The following VGLL1 variants were observed in gnomAD, a reference collection of about 807,000 sequenced individuals.
VGLL1 encodes transcription cofactor vestigial-like protein 1.
In VGLL1, 4 loss-of-function variants were observed where a neutral mutation model predicts 12.0. The ratio of observed to expected loss-of-function variants is 0.33; its 90% CI spans 0.16 to 0.76. The LOEUF is 0.76. Ranked by LOEUF, VGLL1 falls within the 30% of genes least tolerant of loss-of-function variation. VGLL1 has a pLI of 0.60. For missense variants in VGLL1, 204 were observed against 208.7 expected (o/e 0.98, Z 0.14); for synonymous variants, 87 against 81.2 (o/e 1.07, Z -0.39).
At chrX:136,532,645 CTTTCTTTCT>C (rs1208932567) in intron 1 of VGLL1, among the ~76,000 whole-genome samples, 32 of 78,035 alleles carry the variant, frequency 4.1e-4, no homozygotes, top group South Asian at 2.8e-3. Context: ...TTCTTTCTTT[CTTTCTTTCT>C]TTCTTTCTTT....
At chrX:136,545,368 G>C (rs2075867011) in intron 2 of VGLL1, among the ~76,000 whole-genome samples, 1 of 111,914 alleles carries the variant, frequency 8.9e-6, no homozygotes, top group Admixed American at 9.5e-5. Flanking sequence ...GTGTAAATAA[G>C]TGTGTGCACT....
At chrX:136,542,371 T>A (rs1242324271) in intron 2 of VGLL1, among the ~76,000 whole-genome samples, 1 of 112,208 alleles carries the variant, frequency 8.9e-6, no homozygotes, top group Admixed American at 9.4e-5. Flanking sequence ...GACACCACAC[T>A]AAAATTAGTG....
chrX:136,548,215 G>T (rs1195702013), intron 2 of VGLL1, among the ~76,000 whole-genome samples: 1 of 111,694 alleles, frequency 9.0e-6, no homozygotes, highest in Non-Finnish European at 1.9e-5. Context: ...TGGCCAGGCT[G>T]GTCTCGAACT....
intron 4 of VGLL1, among the ~76,000 whole-genome samples, chrX:136,553,808 C>T (rs2075893861): frequency 9.0e-6 from 1 of 111,723 alleles, no homozygotes; most frequent in Non-Finnish European, 1.9e-5. Context: ...TGTCATGCAT[C>T]TATGAAGCAG....
At chrX:136,535,915 C>T in intron 1 of VGLL1, 81 bp from the exon 2 acceptor site, 1 of 835,596 alleles carries the variant, frequency 1.2e-6, no homozygotes, top group Non-Finnish European at 1.7e-6. Context: ...AAATTGCTTG[C>T]CCCCAAGGAC....
At chrX:136,536,269 C>T (rs2075839559) in intron 2 of VGLL1, 35 bp downstream of exon 2, 1 of 1,166,717 alleles carries the variant, frequency 8.6e-7, no homozygotes, top group Non-Finnish European at 1.2e-6. Context: ...CTGGGATTCC[C>T]TATCAAGGCT....
intron 2 of VGLL1, 54 bp downstream of exon 2, chrX:136,536,288 T>C (rs1206053839): frequency 6.3e-6 from 7 of 1,114,021 alleles, no homozygotes; most frequent in Non-Finnish European, 4.9e-6. Context: ...CTGCCACGGA[T>C]ACACCAGTTC....
chrX:136,538,320 C>G (rs1203563204), intron 2 of VGLL1, among the ~76,000 whole-genome samples: 2 of 112,091 alleles, frequency 1.8e-5, no homozygotes, highest in African/African-American at 6.5e-5. Context: ...GAATATAATC[C>G]AAGCTGAGTT....
At chrX:136,540,024 G>A (rs923577814) in intron 2 of VGLL1, among the ~76,000 whole-genome samples, 3 of 111,318 alleles carry the variant, frequency 2.7e-5, no homozygotes, top group Non-Finnish European at 5.7e-5. Flanking sequence ...AGATCTGACC[G>A]CATCTTCTCA....
intron 3 of VGLL1, among the ~76,000 whole-genome samples, chrX:136,550,204 T>C (rs1039357561): frequency 8.9e-6 from 1 of 112,648 alleles, no homozygotes; most frequent in Non-Finnish European, 1.9e-5. Context: ...TTTTCAAAAG[T>C]CCTTTCCTAC....
In VGLL1 at chrX:136,556,613, A is replaced by G; in HGVS notation, c.*74A>G. 1 of 1,008,056 alleles carries G rather than the reference A, an allele frequency of 9.9e-7. No homozygotes were observed. The allele number at this position is 1,008,056 out of a possible 1,213,427, so 83.1% of individuals were successfully genotyped here. On this transcript the variant is annotated 3_prime_UTR_variant, in exon 5 of 5. Coordinates refer to ENST00000370634, the MANE Select transcript of VGLL1 (RefSeq NM_016267.4). ...ACATCCCTGCATATTGTTCCAGATA[A>G]AAATGAAAGCTGCTCACACCCACTT...
chrX:136,535,325 C>T (rs1265522557), intron 1 of VGLL1, among the ~76,000 whole-genome samples: 1 of 112,176 alleles, frequency 8.9e-6, no homozygotes, highest in Non-Finnish European at 1.9e-5. Context: ...CCAATGGTGA[C>T]AACATTGGTA....
chrX:136,552,092 T>C (rs2075887964), intron 4 of VGLL1, among the ~76,000 whole-genome samples: 1 of 111,655 alleles, frequency 9.0e-6, no homozygotes, highest in Non-Finnish European at 1.9e-5. Flanking sequence ...CCTAGCACCT[T>C]GCACAGTGGT....
At chrX:136,543,492 T>A (rs1424524561) in intron 2 of VGLL1, among the ~76,000 whole-genome samples, 1 of 111,490 alleles carries the variant, frequency 9.0e-6, no homozygotes, top group African/African-American at 3.3e-5. Context: ...TAAAATGAGA[T>A]TTGTAGGCCA....
Position 136,548,802 on chromosome X carries a change from A to C in VGLL1, c.428A>C (p.Glu143Ala). 1 of 1,211,928 alleles carries C rather than the reference A, an allele frequency of 8.3e-7. No individual in the cohort carries two copies. Reference sequence around the variant, plus strand: ...TCCCTGGCGGGCACCAGCTCCTTAGAGCCTGGCTACTCTCATCCCTTCCCC... The same window carrying C: ...TCCCTGGCGGGCACCAGCTCCTTAGCGCCTGGCTACTCTCATCCCTTCCCC... Reference protein sequence around the residue: ...FSSLAGTSSLEPGYSHPFPAR... With the variant: ...FSSLAGTSSLAPGYSHPFPAR... Residue 143 changes from glutamate to alanine, a missense_variant, in exon 3 of 5, where the codon GAG becomes GCG. Transcript: ENST00000370634.
At position 136,536,180 on chromosome X, in the gene VGLL1, A is replaced by G; in HGVS notation, c.160A>G (p.Ser54Gly). Residue 54 changes from serine (S) to glycine (G), a missense_variant, in exon 2 of 5, where the codon AGC becomes GGC. Transcript: ENST00000370634. ...HFSRALSNIK[S>G]PQELTPSSQS... ...CTCCAGAGCTCTGAGCAATATCAAG[A>G]GCCCCCAGGAATTGACCCCCTCGAG... 8.3e-7 allele frequency: 1 copy of G among 1,211,241 alleles called. No homozygotes were observed. Among genetic ancestry groups the G allele is most frequent in the Non-Finnish European group, 1.1e-6 (1 of 895,433 alleles).
chrX:136,552,626 G>C (rs1269227236), intron 4 of VGLL1, among the ~76,000 whole-genome samples: 1 of 111,783 alleles, frequency 8.9e-6, no homozygotes, highest in Non-Finnish European at 1.9e-5. Context: ...ATATGTCCTA[G>C]GTGCTTTACT....
intron 2 of VGLL1, among the ~76,000 whole-genome samples, chrX:136,541,904 T>C (rs981654322): frequency 8.9e-6 from 1 of 112,484 alleles, no homozygotes; most frequent in Non-Finnish European, 1.9e-5. Context: ...GTTGAAGGTA[T>C]CTTTGAATTA....
chrX:136,532,877 T>C (rs1436793544), intron 1 of VGLL1, among the ~76,000 whole-genome samples: 3 of 109,761 alleles, frequency 2.7e-5, no homozygotes, highest in African/African-American at 1.0e-4. Context: ...GCTTTTGCTA[T>C]AAGCCAGGCA....
Sources: allele counts gnomAD v4.1 joint callset (sites outside exome capture counted in the v4.1 genomes callset), GRCh38; gene constraint gnomAD v4.1.1; transcripts MANE v1.5; gene names NCBI Gene and HGNC (gene_info 2026-07-23, HGNC 2026-07-21).